Variants in EPS8 observed in about 807,000 individuals in gnomAD.
EPS8 encodes the protein EGFR pathway substrate 8, signaling adaptor.
EPS8 carries 42 observed loss-of-function variants against 103.8 expected under a neutral mutation model. The ratio of observed to expected loss-of-function variants is 0.40; its 90% CI spans 0.32 to 0.52. The LOEUF is 0.52. Among genes scored for constraint, EPS8 ranks in the 20% least tolerant of loss-of-function variants. The probability of loss-of-function intolerance (pLI) is 0.40; values close to 1 mark genes in which losing one functional copy is unlikely to be tolerated. For synonymous variants in EPS8, 344 were observed against 344.6 expected (o/e 1.00, Z 0.02); for missense variants, 969 against 1,005.1 (o/e 0.96, Z 0.49).
intron 17 of EPS8, among the ~76,000 whole-genome samples, chr12:15,632,872 G>T (rs1289427436): frequency 6.6e-6 from 1 of 152,114 alleles, no homozygotes; most frequent in African/African-American, 2.4e-5. Context: ...AAACCGGTGT[G>T]GGAAGGAGCC....
rs1832751542 is a variant in EPS8 at position 15,777,859 on chromosome 12, G to T, written c.-22+11302C>A. 6.6e-6 allele frequency among the ~76,000 whole-genome samples: 1 copy of T among 152,140 alleles called. No individual in the cohort carries two copies. Among genetic ancestry groups the T allele is most frequent in the African/African-American group, 2.4e-5 (1 of 41,420 alleles). ...TTGTAAAAGACTATTTTCTTGACAA[G>T]ACCATGGAAAGTAGCCAGTCTTAAG... On this transcript the variant is annotated intron_variant, in intron 1 of 20. Coordinates refer to ENST00000281172, the MANE Select transcript of EPS8 (RefSeq NM_004447.6). The surrounding 1 kb of genome is among the most constrained non-coding windows in gnomAD (Gnocchi z 4.7).
intron 9 of EPS8, 76 bp downstream of exon 9, chr12:15,661,950 G>C (rs1013261488): frequency 3.8e-5 from 40 of 1,052,602 alleles, no homozygotes; most frequent in Non-Finnish European, 5.8e-5. Context: ...ATTTAAATCA[G>C]CTTCATTTTC....
intron 1 of EPS8, among the ~76,000 whole-genome samples, chr12:15,775,819 CAG>C (rs1947201770): frequency 1.3e-5 from 2 of 152,084 alleles, no homozygotes; most frequent in South Asian, 4.1e-4. Flanking sequence ...TCTTTATTGA[CAG>C]ATAAATTTCA....
intron 13 of EPS8, among the ~76,000 whole-genome samples, chr12:15,653,599 G>A (rs758312319): frequency 6.6e-6 from 1 of 152,108 alleles, no homozygotes; most frequent in Non-Finnish European, 1.5e-5. Context: ...TACCCAACCT[G>A]CTAAAAGGCA....
chr12:15,678,972 A>G (rs992611329), intron 3 of EPS8, among the ~76,000 whole-genome samples: 5 of 151,792 alleles, frequency 3.3e-5, no homozygotes, highest in African/African-American at 1.2e-4. Flanking sequence ...AAGATTTTAC[A>G]AAGTTGCTTC....
At chr12:15,626,484 C>G (rs1301170666) in intron 18 of EPS8, among the ~76,000 whole-genome samples, 2 of 151,862 alleles carry the variant, frequency 1.3e-5, no homozygotes, top group Non-Finnish European at 1.5e-5. Flanking sequence ...CAAAAATTAG[C>G]TGGGCGTGGT....
At position 15,704,642 on chromosome 12, in the gene EPS8, G is replaced by A. The variant is rs1946359838; in HGVS notation, c.-21-21670C>T. On this transcript the variant is annotated intron_variant, in intron 1 of 20. Transcript: ENST00000281172. The surrounding 1 kb of genome is among the most constrained non-coding windows in gnomAD (Gnocchi z 4.6). ...CATTCAGGAAGATGAAAAACTCCTA[G>A]AGATGGATGGTCATGATGGCTGCAC... 6.6e-6 allele frequency among the ~76,000 whole-genome samples: 1 copy of A among 152,182 alleles called. No homozygotes were observed. The highest frequency in any genetic ancestry group is 1.5e-5 in the Non-Finnish European group (1 of 68,036).
Position 15,658,572 on chromosome 12 carries a change from C to G in EPS8, c.951G>C (p.Thr317=), listed in dbSNP as rs975426224. 5 of 1,610,358 alleles carry G rather than the reference C, an allele frequency of 3.1e-6. No homozygotes were observed. The African/African-American group carries it at 5.3e-5, about 17-fold the overall frequency. The change falls in exon 11 of 21, where the codon ACG becomes ACC. Residue 317 remains threonine, a synonymous_variant. Transcript: ENST00000281172. ...KRKGPGEGVL[T]LRAKPPPPDE... ...CAGGAGGTGGAGGTTTTGCCCGCAG[C>G]GTTAAAACACCCTCTAATGAAATAA...
intron 20 of EPS8, among the ~76,000 whole-genome samples, chr12:15,622,887 A>G (rs1944883127): frequency 6.6e-6 from 1 of 152,158 alleles, no homozygotes; most frequent in African/African-American, 2.4e-5. Context: ...TAAATTTCCT[A>G]TAGAATTAGT....
chr12:15,684,222 G>T lies in EPS8; in HGVS notation c.-21-1250C>A, dbSNP rs1270894449. On this transcript the variant is annotated intron_variant, in intron 1 of 20. Transcript: ENST00000281172. This position sits in a 1 kb window ranked among gnomAD's most constrained non-coding sequence, Gnocchi z 4.9. ...ATAAAGAAATAATATTCAAGATCTGGTCACTTCGAGTTAATTCTGTCTCAT... is the reference window on the plus strand; with the variant it reads ...ATAAAGAAATAATATTCAAGATCTGTTCACTTCGAGTTAATTCTGTCTCAT... The T allele has an allele frequency of 6.6e-6, 1 of 152,146 alleles. No homozygotes were observed. Among genetic ancestry groups the T allele is most frequent in the Non-Finnish European group, 1.5e-5 (1 of 68,030 alleles). The allele number at this position is 152,146 out of a possible 1,614,324, so 9.4% of individuals were successfully genotyped here.
intron 1 of EPS8, among the ~76,000 whole-genome samples, 169 bp downstream of exon 1, chr12:15,788,992 C>A (rs1947339772): frequency 6.6e-6 from 1 of 152,154 alleles, no homozygotes; most frequent in Non-Finnish European, 1.5e-5. Flanking sequence ...GGCCGCAGCG[C>A]CCTACCGCAC....
At chr12:15,625,739 T>G (rs1049063198) in intron 18 of EPS8, among the ~76,000 whole-genome samples, 13 of 152,114 alleles carry the variant, frequency 8.5e-5, no homozygotes, top group Non-Finnish European at 1.8e-4. Context: ...CTTCTCTGGA[T>G]CCTCTTCTGA....
At position 15,641,754 on chromosome 12, in the gene EPS8, C is replaced by G. The variant is rs1468049302; in HGVS notation, c.1645G>C (p.Glu549Gln). The change falls in exon 16 of 21, where the codon GAG (glutamate) becomes CAG (glutamine). Residue 549 changes from glutamate (E) to glutamine (Q), a missense_variant. Glu to Gln is a conservative substitution (Grantham distance 29, BLOSUM62 2). Coordinates refer to ENST00000281172, the MANE Select transcript of EPS8 (RefSeq NM_004447.6). ...KYDFVARNNS[E>Q]LSVLKDDILE... ...ATATCATCCTTTAGAACCGAGAGCT[C>G]ACTGTTGTTCCTTGCTACAAAGTCA... 4 of 1,590,960 alleles carry G rather than the reference C, an allele frequency of 2.5e-6. No individual in the cohort carries two copies. Among genetic ancestry groups the G allele is most frequent in the Non-Finnish European group, 3.4e-6 (4 of 1,166,516 alleles).
chr12:15,744,038 C>T (rs2136010044), intron 1 of EPS8, among the ~76,000 whole-genome samples: 1 of 152,242 alleles, frequency 6.6e-6, no homozygotes, highest in East Asian at 1.9e-4. Flanking sequence ...TATCCAGAAT[C>T]TACAAAGAAC....
chr12:15,744,999 G>A (rs908401543), intron 1 of EPS8, among the ~76,000 whole-genome samples: 20 of 152,072 alleles, frequency 1.3e-4, no homozygotes, highest in African/African-American at 4.6e-4. Context: ...AAGTAGCTGG[G>A]ATTACTGGCA....
rs951467104 is a variant in EPS8 at position 15,747,817 on chromosome 12, G to A, written c.-22+41344C>T. 6.6e-6 allele frequency among the ~76,000 whole-genome samples: 1 copy of A among 152,044 alleles called. No homozygotes were observed. The highest frequency in any genetic ancestry group is 1.9e-4 in the East Asian group (1 of 5,182). ...GGGCGGATCACGAGGTCAGGAGATC[G>A]AGACCATCCTGGCTAACACGGTGAA... is the stretch of plus-strand genomic sequence containing the variant. On this transcript the variant is annotated intron_variant, in intron 1 of 20. Coordinates refer to ENST00000281172, the MANE Select transcript of EPS8 (RefSeq NM_004447.6). The surrounding 1 kb of genome is among the most constrained non-coding windows in gnomAD (Gnocchi z 4.4).
chr12:15,784,087 T>C lies in EPS8; in HGVS notation c.-22+5074A>G, dbSNP rs530750319. Among the ~76,000 whole-genome samples, 11 of 152,164 alleles carry C rather than the reference T, an allele frequency of 7.2e-5. No individual in the cohort carries two copies. The highest frequency in any genetic ancestry group is 1.5e-4 in the Non-Finnish European group (10 of 68,000). On this transcript the variant is annotated intron_variant, in intron 1 of 20. Transcript: ENST00000281172. This position sits in a 1 kb window ranked among gnomAD's most constrained non-coding sequence, Gnocchi z 4.0. ...GGAAAAACACAGGATAAAATCTATG[T>C]AGCCTTGGCAATGAGTTTTCAAATA...
Position 15,749,984 on chromosome 12 carries a change from A to G in EPS8, c.-22+39177T>C, listed in dbSNP as rs564562602. On this transcript the variant is annotated intron_variant, in intron 1 of 20. Transcript: ENST00000281172. The surrounding 1 kb of genome is among the most constrained non-coding windows in gnomAD (Gnocchi z 4.0). ...TTTTGTTCCTTTTGTCTAAGATTTCAGATAACTTTCCTCTGTTTCTCCCTG... is the reference window on the plus strand; with the variant it reads ...TTTTGTTCCTTTTGTCTAAGATTTCGGATAACTTTCCTCTGTTTCTCCCTG... Among the ~76,000 whole-genome samples, 2 of 152,308 alleles carry G rather than the reference A, an allele frequency of 1.3e-5. No homozygotes were observed. The highest frequency in any genetic ancestry group is 2.1e-4 in the South Asian group (1 of 4,824).
At chr12:15,685,438 T>G (rs1056959725) in intron 1 of EPS8, among the ~76,000 whole-genome samples, 1 of 152,196 alleles carries the variant, frequency 6.6e-6, no homozygotes, top group Non-Finnish European at 1.5e-5. Flanking sequence ...TTGTGCTGAT[T>G]TTGATCTGGT....
Sources: gnomAD v4.1 joint callset for allele counts (sites outside exome capture counted in the v4.1 genomes callset) on GRCh38, gnomAD v4.1.1 for gene constraint, Gnocchi (gnomAD v3.1) non-coding constraint, MANE v1.5 for transcripts, NCBI Gene and HGNC (gene_info 2026-07-23, HGNC 2026-07-21) for gene names.